Variants in COLEC12 observed in about 807,000 individuals in gnomAD.
COLEC12 encodes the protein collectin subfamily member 12.
In COLEC12, 33 loss-of-function variants were observed where a neutral mutation model predicts 71.1. The observed-to-expected ratio is 0.46, with a 90% CI of 0.35 to 0.62. The LOEUF is 0.62. Ranked by LOEUF, COLEC12 falls within the 20% of genes least tolerant of loss-of-function variation. The pLI is 0.00. For missense variants in COLEC12, 765 were observed against 916.1 expected (o/e 0.84, Z 2.13); for synonymous variants, 350 against 353.0 (o/e 0.99, Z 0.10).
chr18:386,079 A>G (rs1467268909), intron 2 of COLEC12, among the ~76,000 whole-genome samples: 2 of 150,102 alleles, frequency 1.3e-5, no homozygotes, highest in African/African-American at 4.9e-5. Context: ...AAAAGTTAGG[A>G]TTATCAGGGT....
chr18:331,108 C>T (rs553431225), intron 8 of COLEC12, among the ~76,000 whole-genome samples: 9 of 152,180 alleles, frequency 5.9e-5, no homozygotes, highest in East Asian at 5.8e-4. Flanking sequence ...AGGCTGGTCT[C>T]GAACTCCAGA....
intron 2 of COLEC12, among the ~76,000 whole-genome samples, chr18:439,692 A>G (rs1598363712): frequency 6.6e-6 from 1 of 152,212 alleles, no homozygotes; most frequent in African/African-American, 2.4e-5. Flanking sequence ...GAGATAACAA[A>G]TGTCGTCAAG....
intron 5 of COLEC12, among the ~76,000 whole-genome samples, chr18:339,764 G>A (rs2143452811): frequency 6.6e-6 from 1 of 152,184 alleles, no homozygotes; most frequent in South Asian, 2.1e-4. Flanking sequence ...TATAGATCAG[G>A]AGATTCACAT....
At chr18:486,554 AAGGTCTCAC>A (rs1917521938) in intron 1 of COLEC12, among the ~76,000 whole-genome samples, 1 of 152,222 alleles carries the variant, frequency 6.6e-6, no homozygotes, top group Non-Finnish European at 1.5e-5. Flanking sequence ...AATTTGACCC[AAGGTCTCAC>A]AGCTTATGAG....
intron 2 of COLEC12, among the ~76,000 whole-genome samples, chr18:465,382 A>G (rs541251203): frequency 7.9e-5 from 12 of 152,254 alleles, no homozygotes; most frequent in Admixed American, 1.3e-4. Flanking sequence ...GATTACAGGC[A>G]TGAGCCACTG....
intron 7 of COLEC12, among the ~76,000 whole-genome samples, chr18:332,652 G>C (rs1371479900): frequency 6.6e-6 from 1 of 152,044 alleles, no homozygotes; most frequent in Non-Finnish European, 1.5e-5. Context: ...GCCATGCGTG[G>C]TCCCTTGCAC....
At chr18:384,222 G>A (rs986697203) in intron 2 of COLEC12, among the ~76,000 whole-genome samples, 1 of 152,086 alleles carries the variant, frequency 6.6e-6, no homozygotes, top group Non-Finnish European at 1.5e-5. Context: ...GTCTCTGCTT[G>A]TGGGTCCCAG....
At chr18:374,456 A>C (rs760798619) in intron 2 of COLEC12, among the ~76,000 whole-genome samples, 12 of 152,160 alleles carry the variant, frequency 7.9e-5, no homozygotes, top group African/African-American at 2.9e-4. Flanking sequence ...GCCACATGGA[A>C]ACTATGACCT....
chr18:382,515 T>C (rs115841632), intron 2 of COLEC12, among the ~76,000 whole-genome samples: 348 of 152,308 alleles, frequency 2.3e-3, no homozygotes, highest in African/African-American at 8.0e-3. Context: ...GCTGGAACTC[T>C]GGAGCAAACC....
chr18:374,350 C>T (rs55844407), intron 2 of COLEC12, among the ~76,000 whole-genome samples: 21,991 of 152,126 alleles, frequency 0.14, 1,936 homozygotes, highest in South Asian at 0.28. Context: ...GAAATACATA[C>T]ATTTTTTCAC....
At chr18:414,025 T>C (rs1161949240) in intron 2 of COLEC12, among the ~76,000 whole-genome samples, 2 of 152,220 alleles carry the variant, frequency 1.3e-5, no homozygotes, top group African/African-American at 2.4e-5. Flanking sequence ...GAAGAAAATA[T>C]GTGGAATCTT....
intron 2 of COLEC12, among the ~76,000 whole-genome samples, chr18:410,225 G>C (rs1480644452): frequency 6.6e-6 from 1 of 152,056 alleles, no homozygotes; most frequent in Non-Finnish European, 1.5e-5. Flanking sequence ...ATAAAATATT[G>C]AGCTTGAAAA....
chr18:320,175 A>G, intron 9 of COLEC12, 111 bp from the exon 10 acceptor site: 1 of 648,646 alleles, frequency 1.5e-6, no homozygotes, highest in South Asian at 1.9e-5. Context: ...AAAATACATC[A>G]TTCAACAATG....
At chr18:435,824 A>C (rs901489598) in intron 2 of COLEC12, among the ~76,000 whole-genome samples, 1 of 152,194 alleles carries the variant, frequency 6.6e-6, no homozygotes, top group African/African-American at 2.4e-5. Flanking sequence ...AAAGATAATA[A>C]CTATTATATT....
chr18:440,648 C>A (rs1021515029), intron 2 of COLEC12, among the ~76,000 whole-genome samples: 13 of 152,190 alleles, frequency 8.5e-5, no homozygotes, highest in African/African-American at 2.9e-4. Flanking sequence ...CACAGATGCT[C>A]AAGTCCCTTA....
chr18:489,756 G>A (rs184351955), intron 1 of COLEC12, among the ~76,000 whole-genome samples: 268 of 152,238 alleles, frequency 1.8e-3, no homozygotes, highest in Middle Eastern at 3.4e-3. Context: ...CTGAGATTAC[G>A]CTGTAACTGT....
intron 3 of COLEC12, among the ~76,000 whole-genome samples, chr18:348,413 T>C (rs1914434071): frequency 6.6e-6 from 1 of 152,206 alleles, no homozygotes; most frequent in South Asian, 2.1e-4. Flanking sequence ...CTGTAATGCC[T>C]TGGATGTTTC....
At chr18:390,535 C>A (rs1915440196) in intron 2 of COLEC12, among the ~76,000 whole-genome samples, 1 of 152,132 alleles carries the variant, frequency 6.6e-6, no homozygotes, top group Non-Finnish European at 1.5e-5. Flanking sequence ...GCAAGGTGGG[C>A]AGATCACCCG....
At chr18:336,917 A>G (rs1158300612) in intron 5 of COLEC12, among the ~76,000 whole-genome samples, 1 of 152,022 alleles carries the variant, frequency 6.6e-6, no homozygotes, top group African/African-American at 2.4e-5. Flanking sequence ...GGAGAGTGGC[A>G]TGATCATAGC....
Sources: allele counts gnomAD v4.1 joint callset (sites outside exome capture counted in the v4.1 genomes callset), GRCh38; gene constraint gnomAD v4.1.1; transcripts MANE v1.5; gene names NCBI Gene and HGNC (gene_info 2026-07-23, HGNC 2026-07-21).